Variants in ACOT12 observed in about 807,000 individuals in gnomAD.
ACOT12 encodes acyl-CoA thioesterase 12.
Under a neutral mutation model 67.7 loss-of-function variants are expected in ACOT12, and 51 were observed. The ratio of observed to expected loss-of-function variants is 0.75; its 90% CI spans 0.60 to 0.95. The LOEUF is 0.95. ACOT12 is among the 40% of genes least tolerant of loss of function. The probability of loss-of-function intolerance (pLI) is 0.00; values close to 1 mark genes in which losing one functional copy is unlikely to be tolerated. For missense variants in ACOT12, 734 were observed against 708.1 expected, an observed-to-expected ratio of 1.04 and a Z score of -0.41; for synonymous variants, 251 against 244.6, an observed-to-expected ratio of 1.03 and a Z score of -0.24.
chr5:81,365,236 C>T (rs757291932), intron 3 of ACOT12, among the ~76,000 whole-genome samples: 6 of 152,108 alleles, frequency 3.9e-5, no homozygotes, highest in Non-Finnish European at 7.4e-5. Context: ...ATGTTATCAA[C>T]GATAAAGAAT....
In ACOT12 at chr5:81,330,157, C is replaced by T. The variant is rs997899554; in HGVS notation, c.*237G>A. On this transcript the variant is annotated 3_prime_UTR_variant, in exon 15 of 15. Coordinates refer to ENST00000307624, the MANE Select transcript of ACOT12 (RefSeq NM_130767.3). ...TACAGGCAATTTTCCACTATCTGTGCCCCTGGAAGAGGCAGAGCCACAGAT... is the reference window on the plus strand; with the variant it reads ...TACAGGCAATTTTCCACTATCTGTGTCCCTGGAAGAGGCAGAGCCACAGAT... 2 of 399,658 alleles carry T rather than the reference C, an allele frequency of 5.0e-6. No individual in the cohort carries two copies. The highest frequency in any genetic ancestry group is 8.9e-6 in the Non-Finnish European group (2 of 223,998). 24.8% of individuals were successfully genotyped at this position (399,658 alleles called of 1,614,324 possible).
chr5:81,342,002 T>TA (rs376707058), intron 11 of ACOT12, among the ~76,000 whole-genome samples: 3 of 152,168 alleles, frequency 2.0e-5, no homozygotes, highest in African/African-American at 7.2e-5. Flanking sequence ...TTTATTTATT[T>TA]TTTTTAGAGA....
chr5:81,308,737 T>C, the ACOT12 span: 1 of 1,593,854 alleles, frequency 6.3e-7, no homozygotes, highest in Non-Finnish European at 8.5e-7. Context: ...AGTTTTTTGT[T>C]TTGTTCATGG....
intron 5 of ACOT12, among the ~76,000 whole-genome samples, chr5:81,351,152 T>C (rs549460399): frequency 1.3e-5 from 2 of 152,354 alleles, no homozygotes; most frequent in South Asian, 4.1e-4. Flanking sequence ...ATGGAATCAC[T>C]TTCTAAAGTG....
chr5:81,358,453 C>A (rs72771187), intron 5 of ACOT12, among the ~76,000 whole-genome samples: 25,179 of 152,172 alleles, frequency 0.17, 2,276 homozygotes, highest in African/African-American at 0.21. Flanking sequence ...ACTTGAGCAA[C>A]ATGCATTTGA....
intron 5 of ACOT12, among the ~76,000 whole-genome samples, chr5:81,359,458 A>G (rs1011237425): frequency 6.6e-6 from 1 of 152,272 alleles, no homozygotes; most frequent in South Asian, 2.1e-4. Context: ...CTCTGCTCAT[A>G]CCCCATATGA....
At chr5:81,320,957 A>G in the ACOT12 span, among the ~76,000 whole-genome samples, 1 of 152,174 alleles carries the variant, frequency 6.6e-6, no homozygotes, top group Non-Finnish European at 1.5e-5. Context: ...CTCTGGTTCA[A>G]TAGATAGTGC....
Position 81,330,811 on chromosome 5 carries a change from T to G in ACOT12, c.1518+3A>C, listed in dbSNP as rs1758793193. On this transcript the variant is annotated splice_donor_region_variant and intron_variant, in intron 14 of 14. Transcript: ENST00000307624. ...TAATCTGCAGATGTTTCATCAAACT[T>G]ACGATGCATGAATTGCTGTCAATAG... 6.2e-7 allele frequency: 1 copy of G among 1,612,782 alleles called. No individual in the cohort carries two copies. Among genetic ancestry groups the G allele is most frequent in the Non-Finnish European group, 8.5e-7 (1 of 1,179,666 alleles).
At position 81,364,761 on chromosome 5, in the gene ACOT12, A is replaced by T. The variant is rs142950028; in HGVS notation, c.259-872T>A. Among the ~76,000 whole-genome samples, 671 of 152,238 alleles carry T rather than the reference A, an allele frequency of 4.4e-3. 2 individuals carry two copies. The highest frequency in any genetic ancestry group is 7.1e-3 in the Non-Finnish European group (483 of 68,014). On this transcript the variant is annotated intron_variant, in intron 3 of 14. Coordinates refer to ENST00000307624, the MANE Select transcript of ACOT12 (RefSeq NM_130767.3). ...TTTTAAAAATTTGGCATTATATGAA[A>T]GCTCTTTTAAATTTCATGATTACTA...
Position 81,359,937 on chromosome 5 carries a change from A to G in ACOT12, c.462T>C (p.Phe154=). The change falls in exon 5 of 15, where the codon TTT becomes TTC. Residue 154 remains phenylalanine (F), a synonymous_variant. Transcript: ENST00000307624. ...TGCTACTTTCCTTCATTAAATTGTT[A>G]AAGGTATCTTCATGTTGTAATCGAA... ...RKVRLQHEDT[F]NNLMKESSKF... is the part of the protein sequence containing the mutation. 1.2e-6 allele frequency: 2 copies of G among 1,611,342 alleles called. No homozygotes were observed. Among genetic ancestry groups the G allele is most frequent in the Non-Finnish European group, 1.7e-6 (2 of 1,179,328 alleles).
chr5:81,377,112 C>A (rs1360174201), intron 2 of ACOT12, among the ~76,000 whole-genome samples: 1 of 152,200 alleles, frequency 6.6e-6, no homozygotes, highest in African/African-American at 2.4e-5. Flanking sequence ...CAAACCGAAT[C>A]CAGCAGCACA....
intron 11 of ACOT12, among the ~76,000 whole-genome samples, chr5:81,336,178 A>G (rs539292794): frequency 2.0e-5 from 3 of 152,210 alleles, no homozygotes; most frequent in Non-Finnish European, 4.4e-5. Flanking sequence ...TGAAAAATGT[A>G]AAAACCTAGG....
chr5:81,361,388 A>T (rs1051898298), intron 4 of ACOT12, among the ~76,000 whole-genome samples: 2 of 151,858 alleles, frequency 1.3e-5, no homozygotes, highest in African/African-American at 4.8e-5. Flanking sequence ...TTTTGTAGAG[A>T]TGAGGGCTCA....
rs186904808 is a variant in ACOT12 at position 81,372,074 on chromosome 5, G to A, written c.198-264C>T. ...ACTTTGCAGAGATAGTGTGCGACAT[G>A]ACTCCAAATCGGCAACACATACTGA... On this transcript the variant is annotated intron_variant, in intron 2 of 14. Transcript: ENST00000307624. Among the ~76,000 whole-genome samples the A allele has an allele frequency of 2.6e-5, 4 of 152,302 alleles. No individual in the cohort carries two copies. The East Asian group carries it at 7.7e-4, about 29-fold the overall frequency.
Position 81,342,751 on chromosome 5 carries a change from G to C in ACOT12, c.1049C>G (p.Ser350Cys), listed in dbSNP as rs761776274. 1 of 1,613,844 alleles carries C rather than the reference G, an allele frequency of 6.2e-7. No homozygotes were observed. The highest frequency in any genetic ancestry group is 1.3e-5 in the African/African-American group (1 of 74,908). Residue 350 changes from serine (S) to cysteine (C), a missense_variant, in exon 11 of 15, where the codon TCC becomes TGC. Physicochemically the swap from Ser to Cys is moderately radical, Grantham distance 112. Coordinates refer to ENST00000307624, the MANE Select transcript of ACOT12 (RefSeq NM_130767.3). ...GGCCTCCACATTGCTGTCACTCAGG[G>C]ATGCCTAGAATAGAAATATTATATT... is the stretch of plus-strand genomic sequence containing the variant. ...CIHWDISKQA[S>C]LSDSNVEALK...
At chr5:81,337,050 G>C (rs1197701895) in intron 11 of ACOT12, among the ~76,000 whole-genome samples, 1 of 152,202 alleles carries the variant, frequency 6.6e-6, no homozygotes. Flanking sequence ...TAGGGATGGG[G>C]CTCCAGGTGG....
chr5:81,385,478 T>C (rs886425335), intron 2 of ACOT12, among the ~76,000 whole-genome samples: 16 of 152,158 alleles, frequency 1.1e-4, no homozygotes, highest in Middle Eastern at 6.8e-3. Context: ...AAGGAGCTTA[T>C]AGAAAGTCTG....
At chr5:81,313,982 C>T in the ACOT12 span, among the ~76,000 whole-genome samples, 1 of 152,202 alleles carries the variant, frequency 6.6e-6, no homozygotes, top group Admixed American at 6.6e-5. Context: ...TTTATTTCAC[C>T]TGTCCCATCA....
chr5:81,319,529 C>T, the ACOT12 span, among the ~76,000 whole-genome samples: 263 of 152,240 alleles, frequency 1.7e-3, 1 homozygote, highest in Middle Eastern at 6.8e-3. Context: ...ACCAGCCTGA[C>T]CAACATGGAG....
Sources: gnomAD v4.1 joint callset for allele counts (sites outside exome capture counted in the v4.1 genomes callset) on GRCh38, gnomAD v4.1.1 for gene constraint, MANE v1.5 for transcripts, NCBI Gene and HGNC (gene_info 2026-07-23, HGNC 2026-07-21) for gene names.